The following CSMD3 variants were observed in gnomAD, a reference collection of about 807,000 sequenced individuals.
The protein encoded by CSMD3 is CUB and sushi domain-containing protein 3.
In CSMD3, 177 loss-of-function variants were observed where a neutral mutation model predicts 435.2. The observed-to-expected ratio is 0.41, with a 90% CI of 0.36 to 0.46. The LOEUF (loss-of-function observed/expected upper bound fraction) is 0.46. Ranked by LOEUF, CSMD3 falls within the 20% of genes least tolerant of loss-of-function variation. The pLI, the probability that CSMD3 is intolerant of heterozygous loss-of-function variation, is 0.34. For missense variants in CSMD3, 4,265 were observed against 4,504.6 expected, an observed-to-expected ratio of 0.95 and a Z score of 1.52; for synonymous variants, 1,656 against 1,520.5, an observed-to-expected ratio of 1.09 and a Z score of -2.07.
intron 4 of CSMD3, among the ~76,000 whole-genome samples, chr8:113,133,839 T>A (rs2091347741): frequency 6.6e-6 from 1 of 152,106 alleles, no homozygotes; most frequent in Non-Finnish European, 1.5e-5. Flanking sequence ...ATGAACTATC[T>A]GAAATAGTCA....
At chr8:112,880,170 C>T (rs1047357433) in intron 10 of CSMD3, among the ~76,000 whole-genome samples, 2 of 151,978 alleles carry the variant, frequency 1.3e-5, no homozygotes, top group African/African-American at 4.8e-5. Context: ...CAGAAAAGTA[C>T]CTCAGAGTAA....
chr8:113,074,760 A>C (rs568145752), intron 5 of CSMD3, among the ~76,000 whole-genome samples: 1 of 151,938 alleles, frequency 6.6e-6, no homozygotes, highest in Non-Finnish European at 1.5e-5. Context: ...TCACAAACTT[A>C]ATCTCAAAAG....
chr8:112,873,237 A>C (rs1379021550), intron 10 of CSMD3, among the ~76,000 whole-genome samples: 1 of 151,992 alleles, frequency 6.6e-6, no homozygotes, highest in Non-Finnish European at 1.5e-5. Flanking sequence ...ATTAAACATT[A>C]AGTCTCCACC....
At chr8:112,456,993 T>C (rs1277648817) in intron 32 of CSMD3, among the ~76,000 whole-genome samples, 6 of 152,128 alleles carry the variant, frequency 3.9e-5, no homozygotes, top group Non-Finnish European at 5.9e-5. Flanking sequence ...AAAATTCAAA[T>C]ATAAATCTCT....
chr8:112,800,407 G>T, intron 12 of CSMD3, 133 bp from the exon 13 acceptor site: 1 of 695,090 alleles, frequency 1.4e-6, no homozygotes. Flanking sequence ...AGGAGTATGT[G>T]TTGATGTGAC....
intron 32 of CSMD3, among the ~76,000 whole-genome samples, chr8:112,467,291 C>T (rs1394641677): frequency 6.6e-6 from 1 of 152,024 alleles, no homozygotes; most frequent in African/African-American, 2.4e-5. Flanking sequence ...GAAAACTAGT[C>T]GGGAAAGAAT....
intron 32 of CSMD3, among the ~76,000 whole-genome samples, chr8:112,430,000 T>A (rs943982486): frequency 2.0e-5 from 3 of 152,020 alleles, no homozygotes; most frequent in African/African-American, 7.2e-5. Flanking sequence ...AAAACAGTAG[T>A]GTCTGGTGGT....
rs751847023 is a variant in CSMD3 at position 112,281,209 on chromosome 8, T to C, written c.9473A>G (p.Asn3158Ser). The change falls in exon 59 of 71, where the codon AAT becomes AGT. Residue 3158 changes from asparagine to serine, a missense_variant. Coordinates refer to ENST00000297405, the MANE Select transcript of CSMD3 (RefSeq NM_198123.2). ...AGGTAAAGTTCCAGACCATGTTCCA[T>C]TGGCTGTGCACTGTCTAACTGAAGG... ...SGPSVRQCTA[N>S]GTWSGTLPNC... The C allele has an allele frequency of 4.3e-6, 7 of 1,613,372 alleles. No homozygotes were observed. Among genetic ancestry groups the C allele is most frequent in the Non-Finnish European group, 4.2e-6 (5 of 1,179,438 alleles).
intron 4 of CSMD3, among the ~76,000 whole-genome samples, chr8:113,134,402 G>T (rs903649142): frequency 3.3e-5 from 5 of 151,938 alleles, no homozygotes; most frequent in Non-Finnish European, 7.4e-5. Flanking sequence ...TTAGTTTTAA[G>T]AGCATGATTT....
At chr8:113,277,978 T>A (rs1023689082) in intron 3 of CSMD3, among the ~76,000 whole-genome samples, 1 of 151,974 alleles carries the variant, frequency 6.6e-6, no homozygotes, top group Non-Finnish European at 1.5e-5. Context: ...GTGATATGTA[T>A]GAGTATCCAC....
At chr8:112,687,597 T>C (rs934513949) in intron 14 of CSMD3, among the ~76,000 whole-genome samples, 2 of 152,158 alleles carry the variant, frequency 1.3e-5, no homozygotes, top group South Asian at 2.1e-4. Flanking sequence ...CCAACAGATA[T>C]ATCTCTCTTT....
At chr8:112,395,442 G>C (rs1353543955) in intron 35 of CSMD3, among the ~76,000 whole-genome samples, 2 of 152,128 alleles carry the variant, frequency 1.3e-5, no homozygotes, top group Non-Finnish European at 2.9e-5. Context: ...GAATGAGATG[G>C]AGAGTTTGTA....
chr8:112,441,056 C>T (rs1423826796), intron 32 of CSMD3, among the ~76,000 whole-genome samples: 2 of 152,126 alleles, frequency 1.3e-5, no homozygotes, highest in Non-Finnish European at 2.9e-5. Flanking sequence ...TTTCTTTTTA[C>T]TTAATTGCCA....
chr8:112,676,315 G>A (rs1366016224), intron 16 of CSMD3, among the ~76,000 whole-genome samples: 1 of 152,008 alleles, frequency 6.6e-6, no homozygotes, highest in African/African-American at 2.4e-5. Context: ...ATAGAGAGCA[G>A]AACATATCCA....
At chr8:112,727,221 A>G (rs995302650) in intron 13 of CSMD3, among the ~76,000 whole-genome samples, 2 of 151,838 alleles carry the variant, frequency 1.3e-5, no homozygotes, top group African/African-American at 4.8e-5. Context: ...GGAAGTTTTG[A>G]TGAGTTATAA....
intron 16 of CSMD3, among the ~76,000 whole-genome samples, chr8:112,681,641 A>C (rs910245651): frequency 6.6e-6 from 1 of 152,098 alleles, no homozygotes; most frequent in Non-Finnish European, 1.5e-5. Flanking sequence ...CGAGGCAGAC[A>C]GATCACTTGA....
At chr8:112,358,205 T>A (rs978613498) in intron 38 of CSMD3, among the ~76,000 whole-genome samples, 31 of 152,228 alleles carry the variant, frequency 2.0e-4, no homozygotes, top group African/African-American at 7.5e-4. Context: ...TTTGGCCAAT[T>A]TCTCCCATTT....
rs979572078 is a variant in CSMD3 at position 112,223,983 on chromosome 8, T to TA, written c.*787dup. On this transcript the variant is annotated 3_prime_UTR_variant, in exon 71 of 71. Coordinates refer to ENST00000297405, the MANE Select transcript of CSMD3 (RefSeq NM_198123.2). ...CTGAAGCTACTATCACATTTGGGAT[T>TA]AAAAAATAATAAAAATAAATAGGAA... 3 of 152,032 alleles carry TA rather than the reference T, an allele frequency of 2.0e-5. No homozygotes were observed. The highest frequency in any genetic ancestry group is 1.9e-4 in the East Asian group (1 of 5,186). 9.4% of individuals were successfully genotyped at this position (152,032 alleles called of 1,614,324 possible).
At chr8:112,575,443 A>T (rs1415804451) in intron 23 of CSMD3, among the ~76,000 whole-genome samples, 1 of 152,154 alleles carries the variant, frequency 6.6e-6, no homozygotes, top group East Asian at 1.9e-4. Context: ...CTAACAGCAA[A>T]CATTACTTGG....
Sources: allele counts gnomAD v4.1 joint callset (sites outside exome capture counted in the v4.1 genomes callset), GRCh38; gene constraint gnomAD v4.1.1; transcripts MANE v1.5; gene names NCBI Gene and HGNC (gene_info 2026-07-23, HGNC 2026-07-21).